Variants in WDR12 observed in about 807,000 individuals in gnomAD.
The protein encoded by WDR12 is WD repeat domain 12.
WDR12 carries 42 observed loss-of-function variants against 64.3 expected under a neutral mutation model. The observed-to-expected ratio is 0.65, with a 90% CI of 0.51 to 0.84. The LOEUF is 0.84. Ranked by LOEUF, WDR12 falls within the 40% of genes least tolerant of loss-of-function variation. The probability of loss-of-function intolerance (pLI) is 0.00; values close to 1 mark genes in which losing one functional copy is unlikely to be tolerated. For synonymous variants in WDR12, 158 were observed against 173.3 expected, an observed-to-expected ratio of 0.91 and a Z score of 0.70; for missense variants, 469 against 494.6, an observed-to-expected ratio of 0.95 and a Z score of 0.49.
At chr2:202,893,038 T>C (rs1032946765) in intron 7 of WDR12, among the ~76,000 whole-genome samples, 1 of 152,112 alleles carries the variant, frequency 6.6e-6, no homozygotes, top group African/African-American at 2.4e-5. Context: ...AGTTATGACA[T>C]TACATTTACA....
intron 8 of WDR12, among the ~76,000 whole-genome samples, chr2:202,888,420 C>T (rs916182837): frequency 7.2e-5 from 11 of 152,072 alleles, no homozygotes; most frequent in Admixed American, 5.9e-4. Flanking sequence ...AATAGTTATA[C>T]ACCAAAAAGT....
chr2:202,888,951 C>T (rs1480992957), intron 8 of WDR12, among the ~76,000 whole-genome samples: 1 of 151,628 alleles, frequency 6.6e-6, no homozygotes, highest in African/African-American at 2.4e-5. Context: ...CTCAAGTGAT[C>T]CTCCAGTGTT....
intron 8 of WDR12, among the ~76,000 whole-genome samples, chr2:202,887,151 G>A (rs1344512209): frequency 3.3e-5 from 5 of 152,064 alleles, no homozygotes; most frequent in Non-Finnish European, 1.5e-5. Flanking sequence ...AGCCTCCCAA[G>A]TAGCTGGGAT....
At position 202,911,617 on chromosome 2, in the gene WDR12, G is replaced by C. The variant is rs912842984; in HGVS notation, c.-141C>G. 1 of 777,236 alleles carries C rather than the reference G, an allele frequency of 1.3e-6. No homozygotes were observed. The highest frequency in any genetic ancestry group is 2.2e-6 in the Non-Finnish European group (1 of 446,612). 48.1% of individuals were successfully genotyped at this position (777,236 alleles called of 1,614,324 possible). ...AGCGAGGAACTGCAGTCTAAGCCTG[G>C]ACTCTGCCTTCTGCCCTCCGGTCTC... On this transcript the variant is annotated 5_prime_UTR_variant, in exon 1 of 13. Transcript: ENST00000261015.
intron 12 of WDR12, among the ~76,000 whole-genome samples, chr2:202,882,392 G>A (rs576738173): frequency 2.0e-5 from 3 of 151,278 alleles, no homozygotes; most frequent in Non-Finnish European, 4.4e-5. Context: ...GCAGTGGCTC[G>A]ATCTCAGCTC....
Position 202,884,225 on chromosome 2 carries a change from T to TA in WDR12, c.960dup (p.Ile321TyrfsTer9). ...TTAGTTCGGGGATCCCACAGTCTGA[T>TA]ATGCCTATCTGTGCTTCCAGATGCT... On this transcript the variant is annotated frameshift_variant, in exon 10 of 13. Coordinates refer to ENST00000261015, the MANE Select transcript of WDR12 (RefSeq NM_018256.4). LOFTEE classifies it high-confidence loss of function. The TA allele has an allele frequency of 6.2e-7, 1 of 1,613,356 alleles. No individual in the cohort carries two copies. Among genetic ancestry groups the TA allele is most frequent in the Non-Finnish European group, 8.5e-7 (1 of 1,180,040 alleles).
chr2:202,885,665 A>C (rs1197528439), intron 8 of WDR12, among the ~76,000 whole-genome samples: 1 of 152,170 alleles, frequency 6.6e-6, no homozygotes, highest in Non-Finnish European at 1.5e-5. Context: ...TACACAGTTC[A>C]CTTATTAATA....
chr2:202,884,147 G>C (rs774711999), intron 10 of WDR12, 51 bp downstream of exon 10: 1 of 1,564,526 alleles, frequency 6.4e-7, no homozygotes, highest in East Asian at 2.2e-5. Context: ...AGAGAGATGA[G>C]AAATAGATGT....
At chr2:202,898,021 T>C (rs1688283063) in intron 4 of WDR12, among the ~76,000 whole-genome samples, 1 of 149,424 alleles carries the variant, frequency 6.7e-6, no homozygotes, top group Non-Finnish European at 1.5e-5. Context: ...TGTTTAGACT[T>C]GGATCACATC....
intron 12 of WDR12, among the ~76,000 whole-genome samples, chr2:202,882,232 T>G (rs1281509494): frequency 1.3e-5 from 2 of 152,112 alleles, no homozygotes; most frequent in Non-Finnish European, 2.9e-5. Flanking sequence ...CCTGGCCTAT[T>G]AAAGGACAAA....
chr2:202,882,687 A>G, intron 12 of WDR12, 24 bp downstream of exon 12: 3 of 1,603,056 alleles, frequency 1.9e-6, no homozygotes, highest in Non-Finnish European at 2.6e-6. Context: ...TTTCCTCTTC[A>G]TCAAATAACT....
In WDR12 at chr2:202,906,733, G is replaced by A. The variant is rs372276153; in HGVS notation, c.136+1132C>T. Among the ~76,000 whole-genome samples, 29 of 152,214 alleles carry A rather than the reference G, an allele frequency of 1.9e-4. No homozygotes were observed. The East Asian group carries it at 2.7e-3, about 14-fold the overall frequency. On this transcript the variant is annotated intron_variant, in intron 2 of 12. Coordinates refer to ENST00000261015, the MANE Select transcript of WDR12 (RefSeq NM_018256.4). ...CAAAAAATTAGCCAGGCATGGTAGC[G>A]GGCACCTGTAATTCCAGCTACTCTG...
intron 1 of WDR12, among the ~76,000 whole-genome samples, chr2:202,910,466 T>C (rs562420856): frequency 3.3e-5 from 5 of 152,220 alleles, no homozygotes; most frequent in Admixed American, 2.6e-4. Context: ...GAGGTTACAG[T>C]GAGCCAAGAT....
intron 1 of WDR12, among the ~76,000 whole-genome samples, chr2:202,908,962 C>T (rs1412000192): frequency 6.6e-6 from 1 of 152,172 alleles, no homozygotes; most frequent in African/African-American, 2.4e-5. Flanking sequence ...ATTAGTCATC[C>T]AGGTAATGTT....
At chr2:202,887,894 C>CAAAAAAAA (rs778475206) in intron 8 of WDR12, among the ~76,000 whole-genome samples, 60 of 60,730 alleles carry the variant, frequency 9.9e-4, no homozygotes, top group Non-Finnish European at 1.7e-3. Context: ...GACTCCGTCT[C>CAAAAAAAA]AAAAAAAAAA....
At chr2:202,896,319 A>T (rs1688241718) in intron 5 of WDR12, 100 bp from the exon 6 acceptor site, 2 of 1,306,098 alleles carry the variant, frequency 1.5e-6, no homozygotes, top group Non-Finnish European at 2.0e-6. Flanking sequence ...GTTGTTATTG[A>T]AAAAGATGTT....
rs1273795516 is a variant in WDR12, at chr2:202,880,019, G to GGT, written c.*839_*840dup. ...GGCCTCCCAATGTGCTGGGATTACA[G>GGT]GTGTGAGCCACCATGCCCAGCCTAC... On this transcript the variant is annotated 3_prime_UTR_variant, in exon 13 of 13. Coordinates refer to ENST00000261015, the MANE Select transcript of WDR12 (RefSeq NM_018256.4). 3.3e-5 allele frequency: 5 copies of GGT among 151,940 alleles called. No homozygotes were observed. Among genetic ancestry groups the GGT allele is most frequent in the African/African-American group, 1.2e-4 (5 of 41,344 alleles). The allele number at this position is 151,940 out of a possible 1,614,324, so 9.4% of individuals were successfully genotyped here.
At chr2:202,885,326 T>C (rs10189499) in intron 8 of WDR12, among the ~76,000 whole-genome samples, 55,275 of 152,022 alleles carry the variant, frequency 0.36, 10,782 homozygotes, top group East Asian at 0.61. Flanking sequence ...TGTGTGCTCT[T>C]CCTCACCAGA....
chr2:202,881,212 G>T (rs1170594972), intron 12 of WDR12, among the ~76,000 whole-genome samples: 1 of 152,120 alleles, frequency 6.6e-6, no homozygotes, highest in East Asian at 1.9e-4. Context: ...ACATAAGTTT[G>T]AAAGGGATAC....
Sources: gnomAD v4.1 joint callset for allele counts (sites outside exome capture counted in the v4.1 genomes callset) on GRCh38, gnomAD v4.1.1 for gene constraint, MANE v1.5 for transcripts, NCBI Gene and HGNC (gene_info 2026-07-23, HGNC 2026-07-21) for gene names.